The following MRPL37 variants were observed in gnomAD, a reference collection of about 807,000 sequenced individuals.
The protein encoded by MRPL37 is mitochondrial ribosomal protein L37.
Under a neutral mutation model 44.1 loss-of-function variants are expected in MRPL37, and 34 were observed. The ratio of observed to expected loss-of-function variants is 0.77; its 90% confidence interval spans 0.59 to 1.03. The LOEUF (loss-of-function observed/expected upper bound fraction) is 1.03, where lower values mean the gene tolerates loss of function less well. MRPL37 is among the 50% of genes least tolerant of loss of function. The pLI is 0.00. For synonymous variants in MRPL37, 212 were observed against 219.5 expected (o/e 0.97, Z 0.30); for missense variants, 532 against 543.7 (o/e 0.98, Z 0.21).
downstream of MRPL37, among the ~76,000 whole-genome samples, chr1:54,221,741 T>G (rs148736818): frequency 2.8e-3 from 424 of 152,144 alleles, no homozygotes; most frequent in African/African-American, 9.5e-3. Flanking sequence ...ATGGATCTCC[T>G]CCTCCCCAGC....
downstream of MRPL37, chr1:54,218,471 C>T (rs570440820): frequency 5.2e-6 from 6 of 1,150,968 alleles, no homozygotes; most frequent in East Asian, 1.3e-4. Flanking sequence ...TGAAGCCCAG[C>T]TCTGCCCTTG....
At chr1:54,209,208 G>A (rs1644146360) in intron 3 of MRPL37, among the ~76,000 whole-genome samples, 1 of 152,204 alleles carries the variant, frequency 6.6e-6, no homozygotes, top group Non-Finnish European at 1.5e-5. Context: ...TACAGCAGGT[G>A]CTCAGGAAGA....
intron 3 of MRPL37, among the ~76,000 whole-genome samples, chr1:54,205,749 G>T (rs1365084139): frequency 6.6e-6 from 1 of 152,156 alleles, no homozygotes; most frequent in African/African-American, 2.4e-5. Context: ...ATATTCTATT[G>T]CAATAGTCTT....
chr1:54,209,936 T>G lies in MRPL37; in HGVS notation c.647-10T>G, dbSNP rs761084247. 11 of 1,612,864 alleles carry G rather than the reference T, an allele frequency of 6.8e-6. No individual in the cohort carries two copies. The highest frequency in any genetic ancestry group is 9.3e-6 in the Non-Finnish European group (11 of 1,179,508). On this transcript the variant is annotated splice_polypyrimidine_tract_variant and intron_variant, in intron 3 of 6. Transcript: ENST00000360840. Reference sequence around the variant, plus strand: ...TACCAGGTTAGAGTAACCATTTTTCTCCCTTTTAGAGTCTCTTCTCCTTCA... The same window carrying G: ...TACCAGGTTAGAGTAACCATTTTTCGCCCTTTTAGAGTCTCTTCTCCTTCA...
At chr1:54,201,091 T>C (rs1644077721) in intron 1 of MRPL37, among the ~76,000 whole-genome samples, 1 of 152,224 alleles carries the variant, frequency 6.6e-6, no homozygotes, top group Non-Finnish European at 1.5e-5. Flanking sequence ...CAAAATGACT[T>C]TGCCAAAACC....
At chr1:54,220,929 AAGTTCTTC>A, downstream of MRPL37, 1 of 395,946 alleles carries the variant, frequency 2.5e-6, no homozygotes, top group Non-Finnish European at 5.3e-6. Flanking sequence ...TTCCATTCAA[AAGTTCTTC>A]AGTTCATTTC....
At chr1:54,222,151 C>T (rs983028732), downstream of MRPL37, among the ~76,000 whole-genome samples, 1 of 152,186 alleles carries the variant, frequency 6.6e-6, no homozygotes, top group Admixed American at 6.5e-5. Context: ...CCTGTGCTGG[C>T]AATTCTCAGG....
intron 3 of MRPL37, among the ~76,000 whole-genome samples, chr1:54,205,723 C>T (rs982532833): frequency 5.3e-5 from 8 of 152,132 alleles, no homozygotes; most frequent in East Asian, 3.8e-4. Context: ...ATGTAGCCTC[C>T]GCCCTCACAA....
chr1:54,218,029 C>T, intron 6 of MRPL37, 143 bp from the exon 7 acceptor site: 1 of 800,314 alleles, frequency 1.2e-6, no homozygotes, highest in Non-Finnish European at 2.1e-6. Context: ...CCCCTCAATG[C>T]CCCTTCTTAG....
chr1:54,215,141 C>A (rs1428580621), intron 5 of MRPL37, among the ~76,000 whole-genome samples: 1 of 152,144 alleles, frequency 6.6e-6, no homozygotes, highest in Non-Finnish European at 1.5e-5. Flanking sequence ...TGATTTATCT[C>A]CCAAACTGGG....
In MRPL37 at chr1:54,218,315, C is replaced by T. The variant is rs1062675; in HGVS notation, c.*66C>T. 7 of 1,610,856 alleles carry T rather than the reference C, an allele frequency of 4.3e-6. No homozygotes were observed. Among genetic ancestry groups the T allele is most frequent in the East Asian group, 4.5e-5 (2 of 44,864 alleles). ...CTTCCACGGAAGAGGGCCTGGGCCCCGTGGAGCCTCAGTGCCCGTTTGGCC... is the reference window on the plus strand; with the variant it reads ...CTTCCACGGAAGAGGGCCTGGGCCCTGTGGAGCCTCAGTGCCCGTTTGGCC... On this transcript the variant is annotated 3_prime_UTR_variant, in exon 7 of 7. Coordinates refer to ENST00000360840, the MANE Select transcript of MRPL37 (RefSeq NM_016491.4).
chr1:54,208,593 T>G (rs1254513065), intron 3 of MRPL37, among the ~76,000 whole-genome samples: 1 of 148,776 alleles, frequency 6.7e-6, no homozygotes, highest in East Asian at 2.1e-4. Context: ...AACTCTAGTC[T>G]CAGTGCTCCT....
intron 3 of MRPL37, among the ~76,000 whole-genome samples, chr1:54,207,910 C>T (rs774702476): frequency 3.3e-5 from 5 of 152,160 alleles, no homozygotes; most frequent in Admixed American, 1.3e-4. Flanking sequence ...TGATCCATTA[C>T]CATCACACTG....
Position 54,200,444 on chromosome 1 carries a change from G to T in MRPL37, c.201G>T (p.Val67=), listed in dbSNP as rs1356928253. The T allele has an allele frequency of 3.1e-6, 5 of 1,614,142 alleles. No individual in the cohort carries two copies. The highest frequency in any genetic ancestry group is 2.5e-6 in the Non-Finnish European group (3 of 1,180,052). The change falls in exon 1 of 7, where the codon GTG becomes GTT. Residue 67 remains valine, a synonymous_variant. Coordinates refer to ENST00000360840, the MANE Select transcript of MRPL37 (RefSeq NM_016491.4). ...PITFAGKMHF[V]PWLARPIFPP... is the part of the protein sequence containing the mutation. ...CCTTTGCGGGGAAGATGCACTTCGT[G>T]CCCTGGCTGGCGCGGCCGATCTTTC...
chr1:54,212,300 GTTA>G (rs1380540025), intron 4 of MRPL37, among the ~76,000 whole-genome samples, 198 bp from the exon 5 acceptor site: 1 of 152,200 alleles, frequency 6.6e-6, no homozygotes, highest in Non-Finnish European at 1.5e-5. Context: ...CAGAGAAAAT[GTTA>G]TTTACAAAAA....
chr1:54,205,978 A>G (rs1359462399), intron 3 of MRPL37, among the ~76,000 whole-genome samples: 1 of 151,464 alleles, frequency 6.6e-6, no homozygotes, highest in Non-Finnish European at 1.5e-5. Flanking sequence ...CCCCCACCCC[A>G]TCCCTAAATT....
At chr1:54,216,054 A>T (rs904439750) in intron 5 of MRPL37, 87 bp from the exon 6 acceptor site, 16 of 1,386,090 alleles carry the variant, frequency 1.2e-5, no homozygotes, top group Non-Finnish European at 1.6e-5. Flanking sequence ...GACGTTGTAA[A>T]GGGAAGAACT....
At position 54,212,575 on chromosome 1, in the gene MRPL37, C is replaced by T. The variant is rs778184863; in HGVS notation, c.907C>T (p.Arg303Cys). 5.6e-5 allele frequency: 91 copies of T among 1,614,074 alleles called. No individual in the cohort carries two copies. Among genetic ancestry groups the T allele is most frequent in the Middle Eastern group, 1.6e-4 (1 of 6,084 alleles). The change falls in exon 5 of 7, where the codon CGC (arginine) becomes TGC (cysteine). Residue 303 changes from arginine to cysteine, a missense_variant. Coordinates refer to ENST00000360840, the MANE Select transcript of MRPL37 (RefSeq NM_016491.4). ...LLDKANLRPHRLQPDQLRAKM... is the reference protein window; with the variant it reads ...LLDKANLRPHCLQPDQLRAKM... ...GGACAAAGCCAATTTACGACCACAC[C>T]GCCTTCAACCAGATCAGCTGCGGGC...
In MRPL37 at chr1:54,216,337, T is replaced by C. The variant is rs1480947948; in HGVS notation, c.1187T>C (p.Val396Ala). The change falls in exon 6 of 7, where the codon GTG becomes GCG. Residue 396 changes from valine to alanine, a missense_variant. Transcript: ENST00000360840. ...FWCLPVIKKRVVVEPVGPVGF... is the reference protein window; with the variant it reads ...FWCLPVIKKRAVVEPVGPVGF... ...TGTCTCCCAGTGATCAAAAAGAGAG[T>C]GGTTGTGGTAAGTTGAGCCATCTCC... 1 of 1,613,242 alleles carries C rather than the reference T, an allele frequency of 6.2e-7. No homozygotes were observed. The highest frequency in any genetic ancestry group is 8.5e-7 in the Non-Finnish European group (1 of 1,179,878).
Sources: allele counts gnomAD v4.1 joint callset (sites outside exome capture counted in the v4.1 genomes callset), GRCh38; gene constraint gnomAD v4.1.1; transcripts MANE v1.5; gene names NCBI Gene and HGNC (gene_info 2026-07-23, HGNC 2026-07-21).